The following EXPH5 variants were observed in gnomAD, a reference collection of about 807,000 sequenced individuals.
The protein encoded by EXPH5 is exophilin-5.
Under a neutral mutation model 41.1 loss-of-function variants are expected in EXPH5, and 42 were observed. The ratio of observed to expected loss-of-function variants is 1.02; its 90% confidence interval spans 0.80 to 1.32. EXPH5 has a LOEUF of 1.32. EXPH5 is among the 40% of genes most tolerant of loss of function. The pLI, the probability that EXPH5 is intolerant of heterozygous loss-of-function variation, is 0.00. For missense variants in EXPH5, 2,298 were observed against 2,314.5 expected (o/e 0.99, Z 0.15); for synonymous variants, 798 against 833.5 (o/e 0.96, Z 0.73).
Position 108,510,226 on chromosome 11 carries a change from C to T in EXPH5, c.5281G>A (p.Ala1761Thr), listed in dbSNP as rs114596857. Residue 1761 changes from alanine to threonine, a missense_variant, in exon 6 of 6, where the codon GCA becomes ACA. Ala to Thr is a moderately conservative substitution (Grantham distance 58, BLOSUM62 0). Coordinates refer to ENST00000265843, the MANE Select transcript of EXPH5 (RefSeq NM_015065.3). ...RLSPPFPLEP[A>T]QKSRVSSPLA... ...GGACTGCTTACTCTAGATTTCTGTG[C>T]AGGCTCCAGTGGAAAAGGAGGGCTC... 6.2e-7 allele frequency: 1 copy of T among 1,613,598 alleles called. No homozygotes were observed. The highest frequency in any genetic ancestry group is 8.5e-7 in the Non-Finnish European group (1 of 1,179,848).
Position 108,510,998 on chromosome 11 carries a change from T to G in EXPH5, c.4509A>C (p.Ser1503=). The G allele has an allele frequency of 6.2e-7, 1 of 1,614,230 alleles. No individual in the cohort carries two copies. The part of the protein sequence containing the change: ...QKMTNKTLSH[S]ESQVFALTPA... ...GAGTAAGGGCAAAGACTTGACTCTC[T>G]GAGTGAGAAAGTGTTTTATTAGTCA... The change falls in exon 6 of 6, where the codon TCA becomes TCC. Residue 1503 remains serine, a synonymous_variant. Transcript: ENST00000265843.
chr11:108,597,833 A>C (rs1466162521), upstream of EXPH5, among the ~76,000 whole-genome samples: 1 of 152,172 alleles, frequency 6.6e-6, no homozygotes, highest in Non-Finnish European at 1.5e-5. Context: ...AAATTTGTTA[A>C]AAAAAACCAC....
In EXPH5 at chr11:108,513,636, G is replaced by T; in HGVS notation, c.1871C>A (p.Ala624Glu). 1 of 1,612,880 alleles carries T rather than the reference G, an allele frequency of 6.2e-7. No homozygotes were observed. The highest frequency in any genetic ancestry group is 8.5e-7 in the Non-Finnish European group (1 of 1,179,482). ...ASSFGIAQTL[A>E]SSFKTSFSQI... ...GGAAAAGGAAGTTTTGAATGAGGAT[G>T]CTAGAGTCTGAGCAATTCCAAATGA... is the stretch of plus-strand genomic sequence containing the variant. The change falls in exon 6 of 6, where the codon GCA becomes GAA. Residue 624 changes from alanine (A) to glutamate (E), a missense_variant. Transcript: ENST00000265843.
At chr11:108,550,900 T>C (rs1427961782) in intron 1 of EXPH5, among the ~76,000 whole-genome samples, 3 of 152,120 alleles carry the variant, frequency 2.0e-5, no homozygotes, top group Non-Finnish European at 4.4e-5. Context: ...CAGTCTAAAA[T>C]CTATGGTCAG....
chr11:108,528,054 A>C (rs2135982472), intron 4 of EXPH5, 82 bp downstream of exon 4: 1 of 833,336 alleles, frequency 1.2e-6, no homozygotes, highest in Middle Eastern at 2.3e-4. Flanking sequence ...GCCGAGGGGA[A>C]TACTACTGAA....
At position 108,511,541 on chromosome 11, in the gene EXPH5, CTGA is replaced by C; in HGVS notation, c.3963_3965del (p.Asp1321_Gln1322delinsGlu). The C allele has an allele frequency of 6.2e-7, 1 of 1,611,250 alleles. No individual in the cohort carries two copies. The highest frequency in any genetic ancestry group is 8.5e-7 in the Non-Finnish European group (1 of 1,179,212). On this transcript the variant is annotated inframe_deletion, in exon 6 of 6. Transcript: ENST00000265843. ...CAGTCATATTTTCAGTGGTGAGCGT[CTGA>C]TCAGAGTTGACGGACATCTTTAGAT...
the EXPH5 span, among the ~76,000 whole-genome samples, chr11:108,604,061 T>C: frequency 6.4e-3 from 972 of 152,212 alleles, 15 homozygotes; most frequent in African/African-American, 0.022. Flanking sequence ...TGTTTCAATT[T>C]TTTTAAGGGT....
At chr11:108,577,393 C>CATTTT (rs897996726) in intron 1 of EXPH5, among the ~76,000 whole-genome samples, 20 of 151,850 alleles carry the variant, frequency 1.3e-4, no homozygotes, top group African/African-American at 3.6e-4. Context: ...TGATAATAGC[C>CATTTT]ATTTTATTTT....
rs140401185 is a variant in EXPH5 at position 108,520,170 on chromosome 11, G to A, written c.493-1797C>T. 3.0e-4 allele frequency among the ~76,000 whole-genome samples: 45 copies of A among 152,220 alleles called. No individual in the cohort carries two copies. In the East Asian group the frequency reaches 7.9e-3, roughly 27 times the overall value. On this transcript the variant is annotated intron_variant, in intron 4 of 5. Coordinates refer to ENST00000265843, the MANE Select transcript of EXPH5 (RefSeq NM_015065.3). ...AGTCAGATCAGCCCTGGGATTAGGC[G>A]TTAGATTCTCACAGGATTGCGAACC...
intron 4 of EXPH5, among the ~76,000 whole-genome samples, chr11:108,520,827 C>A (rs191826120): frequency 6.6e-6 from 1 of 152,202 alleles, no homozygotes; most frequent in African/African-American, 2.4e-5. Flanking sequence ...CCTCAGCCCC[C>A]CAAAGTGCTG....
the EXPH5 span, among the ~76,000 whole-genome samples, chr11:108,602,322 C>A: frequency 6.6e-6 from 1 of 152,168 alleles, no homozygotes; most frequent in Non-Finnish European, 1.5e-5. Flanking sequence ...TACAGCTGTT[C>A]TTTACCTCTC....
upstream of EXPH5, among the ~76,000 whole-genome samples, chr11:108,593,973 G>T (rs2094134939): frequency 1.3e-5 from 2 of 152,124 alleles, no homozygotes. Flanking sequence ...CTAAGTGTTG[G>T]CGCCAAAGTA....
At chr11:108,560,670 T>C (rs2094007654) in intron 1 of EXPH5, among the ~76,000 whole-genome samples, 1 of 152,230 alleles carries the variant, frequency 6.6e-6, no homozygotes, top group Admixed American at 6.5e-5. Flanking sequence ...CACATTTATT[T>C]ACCAAAACAT....
chr11:108,562,613 A>G (rs2094017869), intron 1 of EXPH5, among the ~76,000 whole-genome samples: 1 of 152,082 alleles, frequency 6.6e-6, no homozygotes, highest in Non-Finnish European at 1.5e-5. Flanking sequence ...TGTTTCAAAA[A>G]AAGAAAGAAA....
intron 1 of EXPH5, among the ~76,000 whole-genome samples, chr11:108,589,402 T>TAGAC (rs1357352754): frequency 2.0e-5 from 3 of 152,188 alleles, no homozygotes; most frequent in Non-Finnish European, 2.9e-5. Context: ...CCACCAGCTA[T>TAGAC]AGACCACTTT....
In EXPH5 at chr11:108,509,975, C is replaced by T. The variant is rs774946962; in HGVS notation, c.5532G>A (p.Gly1844=). The T allele has an allele frequency of 6.2e-7, 1 of 1,613,760 alleles. No individual in the cohort carries two copies. Among genetic ancestry groups the T allele is most frequent in the South Asian group, 1.1e-5 (1 of 90,970 alleles). ...TLGNEFSVNN[G]YSRRFRSFSE... Reference sequence around the variant, plus strand: ...AAAAAGATCTGAATCTTCGACTGTACCCATTGTTGACAGAGAATTCATTCC... The same window carrying T: ...AAAAAGATCTGAATCTTCGACTGTATCCATTGTTGACAGAGAATTCATTCC... Residue 1844 remains glycine (G), a synonymous_variant, in exon 6 of 6, where the codon GGG becomes GGA. Coordinates refer to ENST00000265843, the MANE Select transcript of EXPH5 (RefSeq NM_015065.3).
chr11:108,584,477 C>CAA (rs1250294021), intron 1 of EXPH5, among the ~76,000 whole-genome samples: 1 of 131,922 alleles, frequency 7.6e-6, no homozygotes, highest in Non-Finnish European at 1.6e-5. Context: ...GACCCTGTCT[C>CAA]AAAAAAAAAA....
the EXPH5 span, among the ~76,000 whole-genome samples, chr11:108,601,103 T>C: frequency 1.3e-5 from 2 of 152,226 alleles, no homozygotes; most frequent in African/African-American, 4.8e-5. Flanking sequence ...CTTGTGGTCC[T>C]GAGTTAGAAT....
intron 3 of EXPH5, among the ~76,000 whole-genome samples, chr11:108,532,362 ATATATTTTTTTTTTTTT>A (rs1335640546): frequency 6.0e-4 from 12 of 20,144 alleles, no homozygotes; most frequent in African/African-American, 4.2e-3. Flanking sequence ...ATATATATAT[ATATATTTTTTTTTTTTT>A]TTTTTTTTTT....
Sources: gnomAD v4.1 joint callset for allele counts (sites outside exome capture counted in the v4.1 genomes callset) on GRCh38, gnomAD v4.1.1 for gene constraint, MANE v1.5 for transcripts, NCBI Gene and HGNC (gene_info 2026-07-23, HGNC 2026-07-21) for gene names.